Variants in TMEM114 observed in about 807,000 individuals in gnomAD.
TMEM114 encodes transmembrane protein 114, also known as claudin-26.
In TMEM114, 6 loss-of-function variants were observed where a neutral mutation model predicts 6.2. That is an observed-to-expected ratio of 0.97 (90% CI 0.53 to 1.91). The LOEUF (loss-of-function observed/expected upper bound fraction) is 1.91, where lower values mean the gene tolerates loss of function less well. TMEM114 is among the 40% of genes most tolerant of loss of function. TMEM114 has a pLI of 0.01. For synonymous variants in TMEM114, 104 were observed against 73.0 expected, an observed-to-expected ratio of 1.42 and a Z score of -2.16; for missense variants, 218 against 158.3, an observed-to-expected ratio of 1.38 and a Z score of -2.02.
chr16:8,528,814 G>A, the TMEM114 span, among the ~76,000 whole-genome samples: 57 of 152,304 alleles, frequency 3.7e-4, no homozygotes, highest in African/African-American at 1.2e-3. Flanking sequence ...CTGAGCACGC[G>A]CTCTGTGTGT....
chr16:8,537,539 A>G (rs1413836155), downstream of TMEM114: 1 of 152,204 alleles, frequency 6.6e-6, no homozygotes, highest in African/African-American at 2.4e-5. Context: ...ATATATATTT[A>G]TATATGATAA....
chr16:8,584,857 G>A (rs765354908), intron 2 of TMEM114, among the ~76,000 whole-genome samples: 2 of 150,316 alleles, frequency 1.3e-5, no homozygotes, highest in African/African-American at 4.9e-5. Flanking sequence ...AGGAGGCGGA[G>A]GTTGCAGTGA....
intron 3 of TMEM114, among the ~76,000 whole-genome samples, chr16:8,570,952 G>T (rs1336580878): frequency 6.6e-6 from 1 of 152,140 alleles, no homozygotes; most frequent in African/African-American, 2.4e-5. Context: ...ACTTCTACCA[G>T]GCAGTGCTGG....
chr16:8,555,824 A>G (rs1232593119), intron 2 of TMEM114, among the ~76,000 whole-genome samples: 1 of 152,226 alleles, frequency 6.6e-6, no homozygotes, highest in African/African-American at 2.4e-5. Context: ...ACAGCCTACA[A>G]TACAGAAGGA....
intron 2 of TMEM114, among the ~76,000 whole-genome samples, chr16:8,583,101 G>A (rs542740905): frequency 6.6e-6 from 1 of 152,292 alleles, no homozygotes; most frequent in African/African-American, 2.4e-5. Flanking sequence ...TAATAATAGT[G>A]CCTCTTGGGC....
chr16:8,586,585 C>G (rs566453112), intron 2 of TMEM114, among the ~76,000 whole-genome samples: 84 of 152,068 alleles, frequency 5.5e-4, no homozygotes, highest in Non-Finnish European at 9.3e-4. Context: ...TCTCAGCTCA[C>G]TGCAACCTCT....
the TMEM114 span, among the ~76,000 whole-genome samples, chr16:8,527,812 T>C: frequency 6.6e-6 from 1 of 152,202 alleles, no homozygotes; most frequent in Non-Finnish European, 1.5e-5. Context: ...CAATACAGGA[T>C]GTGGAGTTTG....
chr16:8,578,033 A>G (rs984221633), intron 2 of TMEM114, among the ~76,000 whole-genome samples: 2 of 152,224 alleles, frequency 1.3e-5, no homozygotes, highest in African/African-American at 4.8e-5. Flanking sequence ...AGATGGGCAC[A>G]GGAGACAGAG....
downstream of TMEM114, among the ~76,000 whole-genome samples, chr16:8,568,893 T>C (rs964614588): frequency 2.0e-5 from 3 of 152,212 alleles, no homozygotes; most frequent in Non-Finnish European, 4.4e-5. Context: ...AGCAGCAAGA[T>C]GACAACCCTT....
intron 2 of TMEM114, among the ~76,000 whole-genome samples, chr16:8,553,625 G>A (rs1353861865): frequency 2.0e-5 from 3 of 151,964 alleles, no homozygotes; most frequent in Non-Finnish European, 4.4e-5. Context: ...AGCTGGGACT[G>A]CCGGCGCCTG....
chr16:8,571,462 T>C (rs1901729957), intron 3 of TMEM114, among the ~76,000 whole-genome samples: 1 of 152,160 alleles, frequency 6.6e-6, no homozygotes, highest in Non-Finnish European at 1.5e-5. Context: ...AAATCTACTC[T>C]CAGCGATTTT....
At chr16:8,567,947 C>G (rs895295266), downstream of TMEM114, among the ~76,000 whole-genome samples, 1 of 152,204 alleles carries the variant, frequency 6.6e-6, no homozygotes, top group African/African-American at 2.4e-5. Flanking sequence ...GAGTAACCCA[C>G]TCCTTTTGCG....
intron 2 of TMEM114, among the ~76,000 whole-genome samples, chr16:8,586,195 G>A (rs1902314326): frequency 6.6e-6 from 1 of 152,226 alleles, no homozygotes; most frequent in Non-Finnish European, 1.5e-5. Context: ...CAAAGGGAGA[G>A]CTCATGCTTA....
intron 2 of TMEM114, among the ~76,000 whole-genome samples, chr16:8,543,118 A>G (rs73505720): frequency 0.015 from 2,352 of 152,202 alleles, 61 homozygotes; most frequent in African/African-American, 0.054. Context: ...GTCAGTTCAG[A>G]CTTCGGTGTT....
At chr16:8,576,822 T>C (rs1041245525) in intron 2 of TMEM114, among the ~76,000 whole-genome samples, 3 of 152,156 alleles carry the variant, frequency 2.0e-5, no homozygotes, top group African/African-American at 7.2e-5. Context: ...ATGGGTATTG[T>C]AGAGGTACAA....
chr16:8,533,166 A>C (rs1446106751), downstream of TMEM114, among the ~76,000 whole-genome samples: 1 of 152,170 alleles, frequency 6.6e-6, no homozygotes, highest in Non-Finnish European at 1.5e-5. Context: ...AAAGCAAACA[A>C]GTTTGAATAG....
the TMEM114 span, among the ~76,000 whole-genome samples, chr16:8,528,115 G>C: frequency 6.6e-6 from 1 of 152,078 alleles, no homozygotes; most frequent in Non-Finnish European, 1.5e-5. Flanking sequence ...TGCCCAGGCT[G>C]TCCTTGAACT....
downstream of TMEM114, among the ~76,000 whole-genome samples, chr16:8,534,466 T>A (rs1189707847): frequency 6.6e-6 from 1 of 152,076 alleles, no homozygotes; most frequent in Non-Finnish European, 1.5e-5. Context: ...TGAGGGCTAA[T>A]CATGAGCCAA....
At chr16:8,535,880 C>G (rs913387654), downstream of TMEM114, among the ~76,000 whole-genome samples, 1 of 152,254 alleles carries the variant, frequency 6.6e-6, no homozygotes, top group African/African-American at 2.4e-5. Flanking sequence ...CGATCCTGAG[C>G]AAGTGTCTTA....
Sources: allele counts gnomAD v4.1 joint callset (sites outside exome capture counted in the v4.1 genomes callset), GRCh38; gene constraint gnomAD v4.1.1; transcripts MANE v1.5; gene names NCBI Gene and HGNC (gene_info 2026-07-23, HGNC 2026-07-21).